Variants in TRMT11 observed in about 807,000 individuals in gnomAD.
The protein encoded by TRMT11 is tRNA methyltransferase 11.
Under a neutral mutation model 62.8 loss-of-function variants are expected in TRMT11, and 53 were observed. The ratio of observed to expected loss-of-function variants is 0.84; its 90% CI spans 0.68 to 1.06. TRMT11 has a LOEUF of 1.06. Among genes scored for constraint, TRMT11 ranks in the 50% least tolerant of loss-of-function variants. TRMT11 has a pLI of 0.00. For missense variants in TRMT11, 556 were observed against 553.4 expected (o/e 1.00, Z -0.05); for synonymous variants, 188 against 190.3 (o/e 0.99, Z 0.10).
intron 21 of TRMT11, among the ~76,000 whole-genome samples, chr6:126,121,272 T>C (rs555136501): frequency 2.0e-5 from 3 of 152,280 alleles, no homozygotes; most frequent in Admixed American, 2.0e-4. Context: ...AAAGTCTGAC[T>C]GTCTCACTTC....
At chr6:126,139,719 G>A (rs923732589) in intron 21 of TRMT11, among the ~76,000 whole-genome samples, 3 of 151,998 alleles carry the variant, frequency 2.0e-5, no homozygotes, top group Non-Finnish European at 2.9e-5. Context: ...TTTTTTTGAT[G>A]TGTGTGTTTT....
Position 126,093,585 on chromosome 6 carries a change from GTATATATATATATATATA to G in TRMT11, c.*1438-19251_*1438-19234del, listed in dbSNP as rs56176946. Among the ~76,000 whole-genome samples, 122 of 46,690 alleles carry G rather than the reference GTATATATATATATATATA, an allele frequency of 2.6e-3. 2 individuals carry two copies. Among genetic ancestry groups the G allele is most frequent in the South Asian group, 0.019 (20 of 1,030 alleles). 30.6% of individuals were successfully genotyped at this position (46,690 alleles called of 152,430 possible). A position where few individuals can be genotyped will look rare whatever the true frequency, so the allele number is the denominator to read the frequency against. On this transcript the variant is annotated intron_variant and NMD_transcript_variant, in intron 17 of 22. Transcript: ENST00000648977. Reference sequence around the variant, plus strand: ...CTAGTGTAGGTAACAGGATATGTATGTATATATATATATATATATATATATATATATATATATATATAT... The same window carrying G: ...CTAGTGTAGGTAACAGGATATGTATGTATATATATATATATATATATATAT...
rs576442493 is a variant in TRMT11 at position 126,036,914 on chromosome 6, T to G, written c.1261-1791T>G. On this transcript the variant is annotated intron_variant, in intron 12 of 12. Transcript: ENST00000334379. ...GTCTACCTGTGGAGTCATCTGTTCT[T>G]TCAGGGTTTTGTTATCCTTCAGCTT... Among the ~76,000 whole-genome samples the G allele has an allele frequency of 2.2e-4, 33 of 152,222 alleles. No homozygotes were observed. The East Asian group carries it at 5.4e-3, about 25-fold the overall frequency.
intron 21 of TRMT11, among the ~76,000 whole-genome samples, chr6:126,151,867 C>CTTTCTTTCTTTAGTTTCCTTTCTTTCT (rs1562334850): frequency 5.4e-5 from 1 of 18,414 alleles, no homozygotes; most frequent in African/African-American, 2.5e-4. Flanking sequence ...TCTTTCTTTC[C>CTTTCTTTCTTTAGTTTCCTTTCTTTCT]TTCTTTCTCC....
At chr6:126,222,556 T>C in the TRMT11 span, among the ~76,000 whole-genome samples, 1 of 151,678 alleles carries the variant, frequency 6.6e-6, no homozygotes, top group East Asian at 1.9e-4. Context: ...GTTAGCTGCA[T>C]TCCTAGGTAT....
chr6:126,204,985 TA>T (rs1201801979), downstream of TRMT11, among the ~76,000 whole-genome samples: 5 of 152,318 alleles, frequency 3.3e-5, no homozygotes, highest in East Asian at 7.7e-4. Flanking sequence ...TACAGCCCTT[TA>T]AAAATATTTA....
At chr6:126,133,536 G>T (rs1395469287) in intron 21 of TRMT11, among the ~76,000 whole-genome samples, 1 of 151,948 alleles carries the variant, frequency 6.6e-6, no homozygotes, top group Admixed American at 6.6e-5. Flanking sequence ...TGCTACACAG[G>T]ATCTCACTGT....
chr6:126,178,271 A>G (rs1352962222), intron 1 of TRMT11, among the ~76,000 whole-genome samples: 1 of 152,144 alleles, frequency 6.6e-6, no homozygotes, highest in Non-Finnish European at 1.5e-5. Flanking sequence ...GCCACACCCA[A>G]AGACTGTTCC....
intron 16 of TRMT11, among the ~76,000 whole-genome samples, chr6:126,049,353 A>G (rs891489223): frequency 6.6e-6 from 1 of 152,198 alleles, no homozygotes; most frequent in Non-Finnish European, 1.5e-5. Flanking sequence ...GGACCACTTT[A>G]CCTAGTATGC....
At chr6:126,263,969 A>G in the TRMT11 span, among the ~76,000 whole-genome samples, 46 of 152,212 alleles carry the variant, frequency 3.0e-4, no homozygotes, top group Non-Finnish European at 5.3e-4. Context: ...CGGTTGGGCA[A>G]TATAGTGAAA....
intron 18 of TRMT11, among the ~76,000 whole-genome samples, chr6:126,113,009 G>A (rs750410812): frequency 3.7e-4 from 56 of 152,022 alleles, no homozygotes; most frequent in Non-Finnish European, 7.1e-4. Flanking sequence ...TTTTGCATCT[G>A]AGTGGACAGG....
At chr6:126,108,694 CAAAG>C (rs1562324696) in intron 17 of TRMT11, among the ~76,000 whole-genome samples, 1 of 152,064 alleles carries the variant, frequency 6.6e-6, no homozygotes, top group African/African-American at 2.4e-5. Context: ...ATGAGCATAA[CAAAG>C]AGAGAAGAGA....
the TRMT11 span, among the ~76,000 whole-genome samples, chr6:126,243,452 T>C: frequency 6.6e-6 from 1 of 152,048 alleles, no homozygotes; most frequent in African/African-American, 2.4e-5. Context: ...CCCAAAGGAG[T>C]ATAAATCATG....
chr6:126,066,749 C>T (rs1473896104), intron 17 of TRMT11, among the ~76,000 whole-genome samples: 1 of 152,038 alleles, frequency 6.6e-6, no homozygotes, highest in Non-Finnish European at 1.5e-5. Flanking sequence ...TTACACTTGT[C>T]CTGAGGGCAG....
At chr6:125,988,587 G>A (rs1214338931) in intron 1 of TRMT11, among the ~76,000 whole-genome samples, 2 of 152,154 alleles carry the variant, frequency 1.3e-5, no homozygotes, top group Non-Finnish European at 2.9e-5. Flanking sequence ...TAATGAATGA[G>A]TGGAAGTTAT....
the TRMT11 span, among the ~76,000 whole-genome samples, chr6:126,263,996 G>T: frequency 3.3e-5 from 5 of 152,150 alleles, no homozygotes; most frequent in Non-Finnish European, 7.3e-5. Context: ...TTAAAACAGT[G>T]AATTTCTGCT....
At chr6:126,031,748 A>C (rs990102994) in intron 12 of TRMT11, among the ~76,000 whole-genome samples, 3 of 152,172 alleles carry the variant, frequency 2.0e-5, no homozygotes, top group Admixed American at 6.5e-5. Context: ...AACAGTTTCA[A>C]GTTTATCCTG....
chr6:126,259,255 G>T, the TRMT11 span, among the ~76,000 whole-genome samples: 4 of 152,164 alleles, frequency 2.6e-5, no homozygotes, highest in Non-Finnish European at 5.9e-5. Flanking sequence ...GGAGTGCAGT[G>T]ATGCAATCTT....
At chr6:126,175,052 T>C (rs1189703274), upstream of TRMT11, among the ~76,000 whole-genome samples, 1 of 152,238 alleles carries the variant, frequency 6.6e-6, no homozygotes, top group South Asian at 2.1e-4. Context: ...ACTATCCAAC[T>C]ATGATGTTAA....
Sources: allele counts gnomAD v4.1 joint callset (sites outside exome capture counted in the v4.1 genomes callset), GRCh38; gene constraint gnomAD v4.1.1; transcripts MANE v1.5; gene names NCBI Gene and HGNC (gene_info 2026-07-23, HGNC 2026-07-21).